Variants in GDAP2 observed in about 807,000 individuals in gnomAD.
GDAP2 encodes ganglioside-induced differentiation-associated protein 2.
A neutral mutation model predicts 67.0 loss-of-function variants in GDAP2; 51 were observed. The observed-to-expected ratio is 0.76, with a 90% CI of 0.61 to 0.96. The LOEUF is 0.96. Among genes scored for constraint, GDAP2 ranks in the 40% least tolerant of loss-of-function variants. GDAP2 has a pLI of 0.00. For missense variants in GDAP2, 547 were observed against 588.3 expected, an observed-to-expected ratio of 0.93 and a Z score of 0.73; for synonymous variants, 203 against 207.3, an observed-to-expected ratio of 0.98 and a Z score of 0.18.
rs1649767036 is a variant in GDAP2 at position 117,909,268 on chromosome 1, T to C, written c.560-2686A>G. 3.9e-5 allele frequency among the ~76,000 whole-genome samples: 6 copies of C among 152,340 alleles called. No individual in the cohort carries two copies. The Middle Eastern group carries it at 0.014, about 345-fold the overall frequency. Reference sequence around the variant, plus strand: ...TTTCTCACCACTGTAGTATTTTGTATACAGCACATAGTAGTCACTTAAATT... The same window carrying C: ...TTTCTCACCACTGTAGTATTTTGTACACAGCACATAGTAGTCACTTAAATT... On this transcript the variant is annotated intron_variant, in intron 5 of 13. Coordinates refer to ENST00000369443, the MANE Select transcript of GDAP2 (RefSeq NM_017686.4).
intron 2 of GDAP2, 149 bp from the exon 3 acceptor site, chr1:117,918,885 T>C: frequency 1.5e-6 from 1 of 665,836 alleles, no homozygotes; most frequent in South Asian, 1.9e-5. Flanking sequence ...AAGAAATTTC[T>C]GACTTAAAAA....
chr1:117,886,811 C>T (rs1167104278), intron 9 of GDAP2, among the ~76,000 whole-genome samples, 158 bp from the exon 10 acceptor site: 1 of 116,894 alleles, frequency 8.6e-6, no homozygotes, highest in Non-Finnish European at 1.9e-5. Flanking sequence ...TTTTTCTACT[C>T]TGCAGACAAC....
chr1:117,870,457 G>T lies in GDAP2; in HGVS notation c.*112C>A. 1.4e-6 allele frequency: 1 copy of T among 740,140 alleles called. No individual in the cohort carries two copies. The highest frequency in any genetic ancestry group is 2.5e-5 in the East Asian group (1 of 39,960). The allele number at this position is 740,140 out of a possible 1,614,324, so 45.8% of individuals were successfully genotyped here. The stretch of plus-strand genomic sequence containing the variant: ...TCAATAAAAAAATACCAGAGAGGTG[G>T]GGACAAAAGGCTCTCTGGATCTGTA... On this transcript the variant is annotated 3_prime_UTR_variant, in exon 14 of 14. Coordinates refer to ENST00000369443, the MANE Select transcript of GDAP2 (RefSeq NM_017686.4).
intron 6 of GDAP2, 111 bp from the exon 7 acceptor site, chr1:117,899,327 G>A: frequency 2.8e-6 from 2 of 721,922 alleles, no homozygotes; most frequent in Non-Finnish European, 4.8e-6. Context: ...CAAGAATAAA[G>A]ACTTTACCAC....
chr1:117,915,529 A>G (rs1650020689), intron 3 of GDAP2, among the ~76,000 whole-genome samples: 1 of 152,246 alleles, frequency 6.6e-6, no homozygotes, highest in South Asian at 2.1e-4. Context: ...GTAATTTCAG[A>G]AATTAAAAGG....
At position 117,928,708 on chromosome 1, in the gene GDAP2, G is replaced by A. The variant is rs370790898; in HGVS notation, c.-68+740C>T. On this transcript the variant is annotated intron_variant, in intron 1 of 13. Coordinates refer to ENST00000369443, the MANE Select transcript of GDAP2 (RefSeq NM_017686.4). ...AGAAAATCAGATAATGTAGACAAAA[G>A]TCTAATTTCTAGGCTGGCTGCAGAT... 2.8e-4 allele frequency among the ~76,000 whole-genome samples: 42 copies of A among 152,336 alleles called. No homozygotes were observed. The East Asian group carries it at 5.0e-3, about 18-fold the overall frequency.
At chr1:117,895,037 A>G (rs1466700693) in intron 8 of GDAP2, among the ~76,000 whole-genome samples, 1 of 152,202 alleles carries the variant, frequency 6.6e-6, no homozygotes, top group African/African-American at 2.4e-5. Context: ...CCAAAAAGCT[A>G]ACGTATCATG....
chr1:117,889,670 A>C (rs1177496816), intron 8 of GDAP2, among the ~76,000 whole-genome samples: 3 of 152,144 alleles, frequency 2.0e-5, no homozygotes, highest in Non-Finnish European at 4.4e-5. Flanking sequence ...ATAATTTGTT[A>C]AGAGACAAAA....
chr1:117,878,537 A>G (rs888030137), intron 12 of GDAP2, among the ~76,000 whole-genome samples: 2 of 152,206 alleles, frequency 1.3e-5, no homozygotes, highest in Non-Finnish European at 2.9e-5. Flanking sequence ...AAAATGGTTA[A>G]TATCTCCAAA....
At chr1:117,888,162 C>G (rs2101128226) in intron 8 of GDAP2, among the ~76,000 whole-genome samples, 3 of 152,282 alleles carry the variant, frequency 2.0e-5, no homozygotes, top group South Asian at 2.1e-4. Context: ...CTCACTCACT[C>G]AACAAGGATT....
intron 3 of GDAP2, among the ~76,000 whole-genome samples, chr1:117,913,721 C>T (rs938711367): frequency 6.6e-6 from 1 of 152,102 alleles, no homozygotes; most frequent in Non-Finnish European, 1.5e-5. Flanking sequence ...TCAAGACCCA[C>T]CAGGCAATAA....
At chr1:117,912,465 T>C (rs1317020935) in intron 4 of GDAP2, 65 bp downstream of exon 4, 36 of 1,403,864 alleles carry the variant, frequency 2.6e-5, no homozygotes, top group Non-Finnish European at 3.4e-5. Flanking sequence ...GGGGCCTTTA[T>C]CTTTAAAAAC....
chr1:117,901,382 AAC>A (rs761709270), intron 6 of GDAP2, among the ~76,000 whole-genome samples: 1 of 152,218 alleles, frequency 6.6e-6, no homozygotes, highest in Non-Finnish European at 1.5e-5. Flanking sequence ...GTATACACCT[AAC>A]AGTCAAACTG....
rs1344017501 is a variant in GDAP2 at position 117,868,568 on chromosome 1, C to T, written c.*2001G>A. 6.6e-6 allele frequency: 1 copy of T among 152,120 alleles called. No homozygotes were observed. Among genetic ancestry groups the T allele is most frequent in the Admixed American group, 6.5e-5 (1 of 15,268 alleles). The allele number at this position is 152,120 out of a possible 1,614,324, so 9.4% of individuals were successfully genotyped here. A position where few individuals can be genotyped will look rare whatever the true frequency, so the allele number is the denominator to read the frequency against. ...AAGTAGCTTACGGCCTCTATTATCT[C>T]TACAGAAAATGGTTTGGGCCAGGTT... is the stretch of plus-strand genomic sequence containing the variant. On this transcript the variant is annotated 3_prime_UTR_variant, in exon 14 of 14. Coordinates refer to ENST00000369443, the MANE Select transcript of GDAP2 (RefSeq NM_017686.4).
intron 12 of GDAP2, 43 bp downstream of exon 12, chr1:117,881,780 T>A (rs763500603): frequency 2.0e-6 from 2 of 997,234 alleles, no homozygotes; most frequent in Non-Finnish European, 3.2e-6. Context: ...GGGCATGCAG[T>A]GCACATAAAT....
intron 3 of GDAP2, among the ~76,000 whole-genome samples, chr1:117,915,402 C>T (rs1360825817): frequency 6.6e-6 from 1 of 152,068 alleles, no homozygotes; most frequent in Admixed American, 6.6e-5. Context: ...AATTAATAAA[C>T]ATAACAAAAA....
At chr1:117,879,072 G>A (rs1648563986) in intron 12 of GDAP2, among the ~76,000 whole-genome samples, 1 of 152,220 alleles carries the variant, frequency 6.6e-6, no homozygotes, top group Non-Finnish European at 1.5e-5. Context: ...TCTTGGAGCA[G>A]TGCAATATTG....
intron 13 of GDAP2, chr1:117,877,548 C>T: frequency 2.1e-6 from 2 of 973,640 alleles, no homozygotes; most frequent in Middle Eastern, 5.3e-4. Flanking sequence ...TCAGATGATG[C>T]TCTTAAAAAC....
intron 2 of GDAP2, 150 bp from the exon 3 acceptor site, chr1:117,918,886 G>C (rs771765723): frequency 4.7e-5 from 31 of 660,428 alleles, no homozygotes; most frequent in Non-Finnish European, 7.7e-5. Context: ...AGAAATTTCT[G>C]ACTTAAAAAA....
Sources: allele counts gnomAD v4.1 joint callset (sites outside exome capture counted in the v4.1 genomes callset), GRCh38; gene constraint gnomAD v4.1.1; transcripts MANE v1.5; gene names NCBI Gene and HGNC (gene_info 2026-07-23, HGNC 2026-07-21).